Variants in POFUT1 observed in about 807,000 individuals in gnomAD.
POFUT1 encodes GDP-fucose protein O-fucosyltransferase 1.
POFUT1 carries 16 observed loss-of-function variants against 42.4 expected under a neutral mutation model. That is an observed-to-expected ratio of 0.38 (90% CI 0.26 to 0.57). The LOEUF is 0.57. POFUT1 is among the 20% of genes least tolerant of loss of function. The pLI, the probability that POFUT1 is intolerant of heterozygous loss-of-function variation, is 0.71. For missense variants in POFUT1, 470 were observed against 504.6 expected, an observed-to-expected ratio of 0.93 and a Z score of 0.66; for synonymous variants, 206 against 205.4, an observed-to-expected ratio of 1.00 and a Z score of -0.03.
chr20:32,213,042 T>C (rs934708851), intron 2 of POFUT1, among the ~76,000 whole-genome samples: 2 of 152,004 alleles, frequency 1.3e-5, no homozygotes, highest in African/African-American at 4.8e-5. Flanking sequence ...CCCACCACCA[T>C]GCCTAGCTAA....
chr20:32,233,274 G>C (rs1358735998), intron 6 of POFUT1, among the ~76,000 whole-genome samples: 2 of 152,248 alleles, frequency 1.3e-5, no homozygotes, highest in Non-Finnish European at 2.9e-5. Flanking sequence ...GCCTAGGCTA[G>C]AGGGCCAGGG....
chr20:32,210,275 C>T, intron 2 of POFUT1, 83 bp downstream of exon 2: 1 of 1,393,036 alleles, frequency 7.2e-7, no homozygotes, highest in Non-Finnish European at 1.0e-6. Flanking sequence ...GTCCTCTGGG[C>T]TTTACCTCCC....
At chr20:32,218,614 C>A in intron 4 of POFUT1, among the ~76,000 whole-genome samples, 1 of 152,160 alleles carries the variant, frequency 6.6e-6, no homozygotes, top group East Asian at 1.9e-4. Flanking sequence ...TAGCACACTC[C>A]CATTCTCTGC....
intron 1 of POFUT1, 44 bp from the exon 2 acceptor site, chr20:32,210,027 T>C (rs1473895272): frequency 1.9e-6 from 3 of 1,613,340 alleles, no homozygotes. Flanking sequence ...CTCTATGCCC[T>C]CCATGCCCCA....
intron 6 of POFUT1, among the ~76,000 whole-genome samples, chr20:32,232,287 C>T (rs990873043): frequency 4.6e-5 from 7 of 151,190 alleles, no homozygotes; most frequent in African/African-American, 1.2e-4. Flanking sequence ...CCTAACATAG[C>T]GAGACCCCCA....
In POFUT1 at chr20:32,234,555, G is replaced by C; in HGVS notation, c.1061G>C (p.Cys354Ser). 3 of 1,614,232 alleles carry C rather than the reference G, an allele frequency of 1.9e-6. No individual in the cohort carries two copies. The highest frequency in any genetic ancestry group is 2.5e-6 in the Non-Finnish European group (3 of 1,180,028). Residue 354 changes from cysteine to serine, a missense_variant, in exon 7 of 7, where the codon TGT (cysteine) becomes TCT (serine). Coordinates refer to ENST00000375749, the MANE Select transcript of POFUT1 (RefSeq NM_015352.2). ...LGQADHFIGN[C>S]VSSFTAFVKR... ...CAAGCCGACCACTTTATTGGCAACT[G>C]TGTCTCCTCCTTCACTGCCTTTGTG...
intron 2 of POFUT1, among the ~76,000 whole-genome samples, chr20:32,211,839 C>G (rs2047330782): frequency 6.6e-6 from 1 of 152,228 alleles, no homozygotes; most frequent in South Asian, 2.1e-4. Flanking sequence ...CTTCTCCTTC[C>G]TGAACTTCCC....
intron 4 of POFUT1, among the ~76,000 whole-genome samples, chr20:32,221,476 G>A (rs539122657): frequency 2.0e-5 from 3 of 152,166 alleles, no homozygotes; most frequent in Admixed American, 2.0e-4. Context: ...ATTACAGAGA[G>A]GTTGAGGCAG....
intron 1 of POFUT1, 125 bp downstream of exon 1, chr20:32,208,190 A>G (rs2047304164): frequency 4.1e-6 from 4 of 980,312 alleles, no homozygotes; most frequent in Non-Finnish European, 3.0e-6. Context: ...GGGACGGGGC[A>G]TGCTCTTCTC....
intron 1 of POFUT1, 53 bp from the exon 2 acceptor site, chr20:32,210,018 T>G: frequency 6.2e-7 from 1 of 1,611,820 alleles, no homozygotes; most frequent in East Asian, 2.2e-5. Context: ...CCCTGCATGC[T>G]CTATGCCCTC....
rs926532646 is a variant in POFUT1, at chr20:32,217,358, G to A, written c.542+637G>A. On this transcript the variant is annotated intron_variant, in intron 4 of 6. Coordinates refer to ENST00000375749, the MANE Select transcript of POFUT1 (RefSeq NM_015352.2). ...TGTCCTTAATGTTATAGCATGGCAG[G>A]AAAGACCATGGGCTTAGAAGGCAGA... 1.4e-5 allele frequency: 16 copies of A among 1,133,362 alleles called. No homozygotes were observed. In the African/African-American group the frequency reaches 1.9e-4, roughly 14 times the overall value. 70.2% of individuals were successfully genotyped at this position (1,133,362 alleles called of 1,614,324 possible).
intron 4 of POFUT1, chr20:32,217,572 C>G: frequency 1.0e-6 from 1 of 983,514 alleles, no homozygotes. Flanking sequence ...TGATGGTACC[C>G]CTGCACTCCA....
chr20:32,234,887 C>T lies in POFUT1; in HGVS notation c.*226C>T. On this transcript the variant is annotated 3_prime_UTR_variant, in exon 7 of 7. Coordinates refer to ENST00000375749, the MANE Select transcript of POFUT1 (RefSeq NM_015352.2). Reference sequence around the variant, plus strand: ...GCAGGAGCATCTCCCATCGCACGTGCTTTCTGCTCTTCTGGGAATTTCTCA... The same window carrying T: ...GCAGGAGCATCTCCCATCGCACGTGTTTTCTGCTCTTCTGGGAATTTCTCA... The T allele has an allele frequency of 2.2e-6, 1 of 451,724 alleles. No homozygotes were observed. Among genetic ancestry groups the T allele is most frequent in the Non-Finnish European group, 3.9e-6 (1 of 255,056 alleles). The allele number at this position is 451,724 out of a possible 1,614,324, so 28.0% of individuals were successfully genotyped here.
chr20:32,210,428 C>G (rs1052615103), intron 2 of POFUT1, among the ~76,000 whole-genome samples: 2 of 152,188 alleles, frequency 1.3e-5, no homozygotes, highest in Admixed American at 1.3e-4. Flanking sequence ...GTGAGGAAAC[C>G]GGGGTTTACA....
intron 4 of POFUT1, among the ~76,000 whole-genome samples, chr20:32,218,937 C>T (rs2047376699): frequency 6.6e-6 from 1 of 152,142 alleles, no homozygotes; most frequent in South Asian, 2.1e-4. Flanking sequence ...AAGTTTGTGC[C>T]TTACAGCCAA....
chr20:32,217,080 C>T (rs2047365840), intron 4 of POFUT1: 2 of 1,612,358 alleles, frequency 1.2e-6, no homozygotes, highest in Non-Finnish European at 1.7e-6. Flanking sequence ...AGAACAGCTT[C>T]AGGTGCAGAC....
Position 32,208,932 on chromosome 20 carries a change from A to G in POFUT1, c.124+867A>G, listed in dbSNP as rs76511831. Among the ~76,000 whole-genome samples the G allele has an allele frequency of 7.5e-3, 1,139 of 152,344 alleles. 15 individuals are homozygous for G. The highest frequency in any genetic ancestry group is 0.026 in the African/African-American group (1,085 of 41,574). ...TAAGGGAAAATAAAGAGAGCAGGGT[A>G]GGGGAGAATCTAAAGACCATGCCAG... is the stretch of plus-strand genomic sequence containing the variant. On this transcript the variant is annotated intron_variant, in intron 1 of 6. Transcript: ENST00000375749.
In POFUT1 at chr20:32,223,558, C is replaced by A. The variant is rs967024349; in HGVS notation, c.543-4705C>A. 20 of 985,268 alleles carry A rather than the reference C, an allele frequency of 2.0e-5. No individual in the cohort carries two copies. In the African/African-American group the frequency reaches 3.3e-4, roughly 16 times the overall value. 61.0% of individuals were successfully genotyped at this position (985,268 alleles called of 1,614,324 possible). A position where few individuals can be genotyped will look rare whatever the true frequency, so the allele number is the denominator to read the frequency against. On this transcript the variant is annotated intron_variant, in intron 4 of 6. Transcript: ENST00000375749. ...TGATATTCCAGCCCCACTGGGAGAT[C>A]TACTCTGGCTTTCCTTTGAAAATCC...
At chr20:32,223,130 A>T (rs2047398826) in intron 4 of POFUT1, 1 of 985,356 alleles carries the variant, frequency 1.0e-6, no homozygotes, top group South Asian at 4.7e-5. Flanking sequence ...TCTCAGCAGC[A>T]CAGGCATGGT....
Sources: allele counts gnomAD v4.1 joint callset (sites outside exome capture counted in the v4.1 genomes callset), GRCh38; gene constraint gnomAD v4.1.1; transcripts MANE v1.5; gene names NCBI Gene and HGNC (gene_info 2026-07-23, HGNC 2026-07-21).